APC: variants seen among roughly 807,000 people sequenced by gnomAD.
The protein encoded by APC is adenomatous polyposis coli protein.
Under a neutral mutation model 247.0 loss-of-function variants are expected in APC, and 72 were observed. The ratio of observed to expected loss-of-function variants is 0.29; its 90% CI spans 0.24 to 0.35. The LOEUF is 0.35. APC is among the 10% of genes least tolerant of loss of function. The pLI, the probability that APC is intolerant of heterozygous loss-of-function variation, is 1.00. For synonymous variants in APC, 1,254 were observed against 1,162.5 expected, an observed-to-expected ratio of 1.08 and a Z score of -1.60; for missense variants, 3,400 against 3,360.7, an observed-to-expected ratio of 1.01 and a Z score of -0.29.
chr5:112,785,585 T>C (rs551563431), intron 6 of APC, among the ~76,000 whole-genome samples: 2 of 152,324 alleles, frequency 1.3e-5, no homozygotes, highest in Non-Finnish European at 2.9e-5. Context: ...CCTTACCATT[T>C]GTTAAAATCT....
intron 1 of APC, among the ~76,000 whole-genome samples, chr5:112,730,939 C>T (rs1450220914): frequency 6.6e-6 from 1 of 151,614 alleles, no homozygotes. Context: ...AGGGAGGAAA[C>T]ATGATGTTTT....
At chr5:112,745,971 G>T (rs1385901455) in intron 1 of APC, among the ~76,000 whole-genome samples, 1 of 152,160 alleles carries the variant, frequency 6.6e-6, no homozygotes, top group Non-Finnish European at 1.5e-5. Flanking sequence ...AGTATGTGTT[G>T]ATGTTTTTGT....
At chr5:112,717,902 C>CTT (rs1289888067) in intron 1 of APC, among the ~76,000 whole-genome samples, 1 of 22,292 alleles carries the variant, frequency 4.5e-5, no homozygotes, top group Non-Finnish European at 9.7e-5. Flanking sequence ...TTTTCTTTTT[C>CTT]TTTTTCTTTT....
rs773672742 is a variant in APC at position 112,840,543 on chromosome 5, A to T, written c.4949A>T (p.Asn1650Ile). ...RVYCVEGTPI[N>I]FSTATSLSDL... Reference sequence around the variant, plus strand: ...TATTGTGTTGAAGGGACACCTATAAACTTTTCCACAGCTACATCTCTAAGT... The same window carrying T: ...TATTGTGTTGAAGGGACACCTATAATCTTTTCCACAGCTACATCTCTAAGT... Residue 1650 changes from asparagine to isoleucine, a missense_variant, in exon 16 of 16, where the codon AAC (asparagine) becomes ATC (isoleucine). Transcript: ENST00000257430. The surrounding 1 kb of genome is among the most constrained non-coding windows in gnomAD (Gnocchi z 4.1). 6.2e-7 allele frequency: 1 copy of T among 1,614,110 alleles called. No individual in the cohort carries two copies. The highest frequency in any genetic ancestry group is 1.1e-5 in the South Asian group (1 of 91,086).
chr5:112,814,570 A>G (rs1762307782), intron 8 of APC, among the ~76,000 whole-genome samples: 1 of 151,986 alleles, frequency 6.6e-6, no homozygotes, highest in Non-Finnish European at 1.5e-5. Flanking sequence ...GAGCATCCCC[A>G]CTTCTCTATT....
chr5:112,826,166 C>T (rs1763637524), intron 11 of APC, among the ~76,000 whole-genome samples: 1 of 152,204 alleles, frequency 6.6e-6, no homozygotes, highest in Admixed American at 6.5e-5. Flanking sequence ...TATTAACGTA[C>T]TGGCTGTCTT....
At chr5:112,734,974 A>T (rs1752298828), upstream of APC, among the ~76,000 whole-genome samples, 2 of 149,998 alleles carry the variant, frequency 1.3e-5, no homozygotes, top group African/African-American at 2.4e-5. Context: ...CTATTTAGTC[A>T]TTTTTTTTTG....
intron 4 of APC, among the ~76,000 whole-genome samples, chr5:112,770,425 C>CT (rs1756906456): frequency 6.6e-6 from 1 of 152,074 alleles, no homozygotes. Flanking sequence ...TTTAAAGGTG[C>CT]TTTAGCCTTT....
At chr5:112,826,974 A>T in intron 11 of APC, 134 bp from the exon 12 acceptor site, 1 of 817,728 alleles carries the variant, frequency 1.2e-6, no homozygotes, top group Non-Finnish European at 1.9e-6. Flanking sequence ...TGTAGCTTAT[A>T]ATTCTAAAGG....
chr5:112,710,688 G>T, intron 1 of APC, among the ~76,000 whole-genome samples: 1 of 152,160 alleles, frequency 6.6e-6, no homozygotes, highest in East Asian at 1.9e-4. Context: ...TTTCATCCCA[G>T]GAAGCTGTTA....
chr5:112,747,278 A>G (rs1026867416), intron 1 of APC, among the ~76,000 whole-genome samples: 1 of 152,190 alleles, frequency 6.6e-6, no homozygotes, highest in Non-Finnish European at 1.5e-5. Flanking sequence ...TGCAGAGGCT[A>G]AATTATTCAT....
rs1451997084 is a variant in APC at position 112,842,609 on chromosome 5, C to A, written c.7015C>A (p.Pro2339Thr). 1.2e-6 allele frequency: 2 copies of A among 1,613,818 alleles called. No individual in the cohort carries two copies. The highest frequency in any genetic ancestry group is 1.7e-6 in the Non-Finnish European group (2 of 1,179,756). The change falls in exon 16 of 16, where the codon CCT becomes ACT. Residue 2339 changes from proline (P) to threonine (T), a missense_variant. Coordinates refer to ENST00000257430, the MANE Select transcript of APC (RefSeq NM_000038.6). ...CCCTGGTAGAAATGGAATAAGTCCT[C>A]CTAACAAATTATCTCAACTTCCAAG... The part of the protein sequence containing the change: ...ISPGRNGISP[P>T]NKLSQLPRTS...
At chr5:112,709,668 A>G (rs1169105686) in intron 1 of APC, among the ~76,000 whole-genome samples, 1 of 152,164 alleles carries the variant, frequency 6.6e-6, no homozygotes, top group Non-Finnish European at 1.5e-5. Context: ...GGGAGAGGCC[A>G]AAGCGCATGG....
At chr5:112,720,546 C>T (rs1049263879) in intron 1 of APC, among the ~76,000 whole-genome samples, 2 of 152,170 alleles carry the variant, frequency 1.3e-5, no homozygotes, top group Non-Finnish European at 2.9e-5. Flanking sequence ...AAAACAGAGG[C>T]CCAAGGAAGA....
In APC at chr5:112,842,066, C is replaced by A. The variant is rs2149965601; in HGVS notation, c.6472C>A (p.Pro2158Thr). Residue 2158 changes from proline (P) to threonine (T), a missense_variant, in exon 16 of 16, where the codon CCC becomes ACC. By Grantham distance (38) the Pro-to-Thr change is conservative (BLOSUM62 -1). Around this residue, in one of 9 missense-constraint regions of APC, gnomAD observed 1,788 missense variants for 1,649.5 expected, o/e 1.08. Coordinates refer to ENST00000257430, the MANE Select transcript of APC (RefSeq NM_000038.6). The stretch of plus-strand genomic sequence containing the variant: ...TCTTACACCTGATCAAGAAGAAAAA[C>A]CCTTTACAAGTAATAAAGGCCCACG... The part of the protein sequence containing the change: ...FHLTPDQEEK[P>T]FTSNKGPRIL... 6.2e-7 allele frequency: 1 copy of A among 1,612,008 alleles called. No individual in the cohort carries two copies. Among genetic ancestry groups the A allele is most frequent in the Non-Finnish European group, 8.5e-7 (1 of 1,178,232 alleles).
chr5:112,810,480 G>A (rs1456021307), intron 8 of APC, among the ~76,000 whole-genome samples: 1 of 152,168 alleles, frequency 6.6e-6, no homozygotes, highest in Non-Finnish European at 1.5e-5. Context: ...GAGCTGACAA[G>A]GGAAACAAAA....
At chr5:112,807,210 G>C (rs1761514413) in intron 8 of APC, among the ~76,000 whole-genome samples, 1 of 151,718 alleles carries the variant, frequency 6.6e-6, no homozygotes, top group Non-Finnish European at 1.5e-5. Context: ...CCTGTGGAAA[G>C]TGTTGACCAA....
intron 6 of APC, among the ~76,000 whole-genome samples, chr5:112,782,387 G>T (rs1758444656): frequency 6.6e-6 from 1 of 152,108 alleles, no homozygotes; most frequent in East Asian, 1.9e-4. Context: ...ATATCACCCA[G>T]CCTAAACATA....
At chr5:112,781,824 C>G (rs2149645645) in intron 6 of APC, among the ~76,000 whole-genome samples, 1 of 149,510 alleles carries the variant, frequency 6.7e-6, no homozygotes, top group African/African-American at 2.5e-5. Context: ...ATGGCATGAT[C>G]TCACCTGCAA....
Sources: gnomAD v4.1 joint callset for allele counts (sites outside exome capture counted in the v4.1 genomes callset) on GRCh38, gnomAD v4.1.1 for gene constraint, gnomAD v4.1.1 regional missense constraint, Gnocchi (gnomAD v3.1) non-coding constraint, MANE v1.5 for transcripts, NCBI Gene and HGNC (gene_info 2026-07-23, HGNC 2026-07-21) for gene names.